MXRA7: variants seen among roughly 807,000 people sequenced by gnomAD.
MXRA7 encodes matrix remodeling associated 7.
In MXRA7, 18 loss-of-function variants were observed where a neutral mutation model predicts 17.4. That is an observed-to-expected ratio of 1.03 (90% CI 0.71 to 1.53). The LOEUF (loss-of-function observed/expected upper bound fraction) is 1.53, where lower values mean the gene tolerates loss of function less well. Ranked by LOEUF, MXRA7 falls within the 40% of genes most tolerant of loss-of-function variation. The pLI, the probability that MXRA7 is intolerant of heterozygous loss-of-function variation, is 0.00. For synonymous variants in MXRA7, 70 were observed against 101.7 expected, an observed-to-expected ratio of 0.69 and a Z score of 1.87; for missense variants, 141 against 209.3, an observed-to-expected ratio of 0.67 and a Z score of 2.01.
chr17:76,679,294 A>AGGG (rs113845165), downstream of MXRA7, among the ~76,000 whole-genome samples: 3 of 148,914 alleles, frequency 2.0e-5, no homozygotes, highest in African/African-American at 7.7e-5. Context: ...TCTCAAAAAA[A>AGGG]AAAAAAAAAA....
intron 1 of MXRA7, among the ~76,000 whole-genome samples, chr17:76,706,733 A>C (rs1463611165): frequency 2.6e-5 from 4 of 152,360 alleles, no homozygotes; most frequent in African/African-American, 9.6e-5. Context: ...CACCACCTCC[A>C]GAGTGTCTGA....
downstream of MXRA7, chr17:76,677,722 AAG>A: frequency 6.3e-7 from 1 of 1,587,730 alleles, no homozygotes; most frequent in Non-Finnish European, 8.6e-7. Context: ...AGAAAGGACA[AAG>A]AGGAAGAAGG....
exon 4 of MXRA7, chr17:76,672,603 CA>C (rs1433644583): frequency 6.6e-6 from 1 of 152,156 alleles, no homozygotes; most frequent in African/African-American, 2.4e-5. Flanking sequence ...TATGAATTTG[CA>C]AGACTGGAAA....
intron 1 of MXRA7, among the ~76,000 whole-genome samples, chr17:76,696,530 A>C (rs1276341383): frequency 1.3e-5 from 2 of 152,040 alleles, no homozygotes; most frequent in East Asian, 3.9e-4. Flanking sequence ...TAAAAAAATA[A>C]ATAAAAATAA....
chr17:76,688,698 G>A (rs1026614016), intron 1 of MXRA7: 2 of 1,233,992 alleles, frequency 1.6e-6, no homozygotes, highest in Non-Finnish European at 1.0e-6. Flanking sequence ...CCCACACAGA[G>A]ACACAATAAA....
chr17:76,683,597 C>T (rs930818750), intron 3 of MXRA7, among the ~76,000 whole-genome samples: 29 of 152,228 alleles, frequency 1.9e-4, no homozygotes, highest in African/African-American at 3.4e-4. Flanking sequence ...CCCAACCTGC[C>T]GGCCCATTAG....
chr17:76,702,468 A>G (rs2076600897), intron 1 of MXRA7, among the ~76,000 whole-genome samples: 1 of 152,190 alleles, frequency 6.6e-6, no homozygotes, highest in African/African-American at 2.4e-5. Context: ...TGATTGTGCC[A>G]ATGCACCCCA....
chr17:76,683,726 T>G lies in MXRA7; in HGVS notation c.500+1346A>C, dbSNP rs1318223719. 4 of 690,098 alleles carry G rather than the reference T, an allele frequency of 5.8e-6. No individual in the cohort carries two copies. In the East Asian group the frequency reaches 1.1e-4, roughly 19 times the overall value. 42.7% of individuals were successfully genotyped at this position (690,098 alleles called of 1,614,324 possible). ...GAATGAGAAGGGCTCAGGTGGGAAA[T>G]GTATTAATCGGTTATGAAGGCGATG... On this transcript the variant is annotated intron_variant, in intron 3 of 3. Transcript: ENST00000449428.
chr17:76,709,443 T>C (rs1370369716), intron 1 of MXRA7: 1 of 152,226 alleles, frequency 6.6e-6, no homozygotes, highest in Non-Finnish European at 1.5e-5. Flanking sequence ...ATGACACAAT[T>C]AGTCACCCAC....
chr17:76,705,803 G>A (rs906889107), intron 1 of MXRA7, among the ~76,000 whole-genome samples: 10 of 152,216 alleles, frequency 6.6e-5, no homozygotes, highest in African/African-American at 2.4e-4. Flanking sequence ...CTCCAAAAGT[G>A]TAGGAAATAA....
chr17:76,703,071 C>T (rs1039633480), intron 1 of MXRA7, among the ~76,000 whole-genome samples: 1 of 151,410 alleles, frequency 6.6e-6, no homozygotes. Flanking sequence ...GAGATTGCAC[C>T]ACTGCACTGC....
chr17:76,692,685 T>A (rs1355819227), intron 1 of MXRA7, among the ~76,000 whole-genome samples: 1 of 150,078 alleles, frequency 6.7e-6, no homozygotes, highest in Admixed American at 6.7e-5. Context: ...TTTGAGGCTT[T>A]AATAACTTCA....
At chr17:76,690,199 C>A (rs2076464283) in intron 1 of MXRA7, 1 of 151,962 alleles carries the variant, frequency 6.6e-6, no homozygotes, top group Non-Finnish European at 1.5e-5. Flanking sequence ...TTTGGAAGGG[C>A]CCACGAGAAA....
intron 1 of MXRA7, among the ~76,000 whole-genome samples, chr17:76,695,609 A>G (rs942208220): frequency 1.3e-4 from 20 of 152,148 alleles, no homozygotes; most frequent in African/African-American, 4.8e-4. Context: ...GCAGGGAGCA[A>G]AGAAGGCCTC....
intron 1 of MXRA7, among the ~76,000 whole-genome samples, chr17:76,700,914 A>G (rs2076583308): frequency 6.6e-6 from 1 of 152,024 alleles, no homozygotes; most frequent in South Asian, 2.1e-4. Context: ...AGGCTCAGGC[A>G]GGGAGGGGTG....
exon 4 of MXRA7, chr17:76,672,586 G>A (rs1325030621): frequency 6.6e-6 from 1 of 152,156 alleles, no homozygotes; most frequent in East Asian, 1.9e-4. Flanking sequence ...TATTTGTAGT[G>A]GCACTGTATG....
At chr17:76,673,786 C>T (rs2076220249) in exon 4 of MXRA7, 1 of 152,020 alleles carries the variant, frequency 6.6e-6, no homozygotes, top group South Asian at 2.1e-4. Flanking sequence ...GTAGGTTACT[C>T]TTAAAGCAGC....
At chr17:76,688,059 C>A in intron 2 of MXRA7, 54 bp downstream of exon 2, 1 of 1,586,392 alleles carries the variant, frequency 6.3e-7, no homozygotes, top group Non-Finnish European at 8.6e-7. Flanking sequence ...CAGCAGGACA[C>A]AGACCACCCC....
chr17:76,690,644 G>T (rs2143633492), intron 1 of MXRA7, among the ~76,000 whole-genome samples: 1 of 152,018 alleles, frequency 6.6e-6, no homozygotes, highest in Admixed American at 6.5e-5. Context: ...AAAAAAAGTA[G>T]AAAGAATGTA....
Sources: gnomAD v4.1 joint callset for allele counts (sites outside exome capture counted in the v4.1 genomes callset) on GRCh38, gnomAD v4.1.1 for gene constraint, MANE v1.5 for transcripts, NCBI Gene and HGNC (gene_info 2026-07-23, HGNC 2026-07-21) for gene names.